WFDC6: variants seen among roughly 807,000 people sequenced by gnomAD.
WFDC6 encodes the protein WAP four-disulfide core domain 6, also known as WAP four-disulfide core domain protein 6.
A neutral mutation model predicts 8.2 loss-of-function variants in WFDC6; 10 were observed. That is an observed-to-expected ratio of 1.22 (90% CI 0.75 to 2.07). WFDC6 has a LOEUF of 2.07. WFDC6 is among the 30% of genes most tolerant of loss of function. WFDC6 has a pLI of 0.00. For synonymous variants in WFDC6, 28 were observed against 37.0 expected, an observed-to-expected ratio of 0.76 and a Z score of 0.88; for missense variants, 105 against 104.9, an observed-to-expected ratio of 1.00 and a Z score of 0.00.
At chr20:45,534,886 TG>T (rs1979306329) in intron 2 of WFDC6, among the ~76,000 whole-genome samples, 2 of 152,254 alleles carry the variant, frequency 1.3e-5, no homozygotes, top group South Asian at 4.1e-4. Context: ...AGGGCTGGGC[TG>T]GGTTTACCGG....
chr20:45,535,393 C>A, intron 2 of WFDC6: 3 of 1,228,986 alleles, frequency 2.4e-6, no homozygotes, highest in Admixed American at 6.0e-5. Context: ...GTCCATCTCT[C>A]CCCTTCTCTG....
rs554020507 is a variant in WFDC6, at chr20:45,535,081, T to A, written c.223-576A>T. On this transcript the variant is annotated intron_variant, in intron 2 of 2. Coordinates refer to ENST00000372670, the MANE Select transcript of WFDC6 (RefSeq NM_080827.2). ...TTTGTCATCCCCAGCGCCACCCAGG[T>A]CTTGGAATAGACCAGCCAACACCCA... The A allele has an allele frequency of 3.2e-6, 4 of 1,237,364 alleles. No homozygotes were observed. In the East Asian group the frequency reaches 2.3e-4, roughly 71 times the overall value. 76.6% of individuals were successfully genotyped at this position (1,237,364 alleles called of 1,614,324 possible).
In WFDC6 at chr20:45,537,875, C is replaced by T. The variant is rs541054998; in HGVS notation, c.222+89G>A. The T allele has an allele frequency of 6.7e-3, 10,651 of 1,596,132 alleles. 59 individuals are homozygous for T. The highest frequency in any genetic ancestry group is 7.2e-3 in the Non-Finnish European group (8,402 of 1,170,062). On this transcript the variant is annotated intron_variant, in intron 2 of 2. Transcript: ENST00000372670. The stretch of plus-strand genomic sequence containing the variant: ...ACCTAAACTCTTGGTCAGAGACCAG[C>T]CATCAGTGAACTAGGAGACAGAGGT...
At chr20:45,539,292 C>A (rs1405832364) in intron 1 of WFDC6, 25 bp downstream of exon 1, 4 of 1,608,250 alleles carry the variant, frequency 2.5e-6, no homozygotes, top group Non-Finnish European at 3.4e-6. Flanking sequence ...TTCCCCATTG[C>A]AAGGACGGAG....
rs1742562059 is a variant in WFDC6, at chr20:45,534,279, T to G, written c.*188A>C. ...GGTCTGAAAGTTGAAGACATAGAGT[T>G]TCATACTGAGAAGTGGTCAAGGGGA... is the stretch of plus-strand genomic sequence containing the variant. On this transcript the variant is annotated 3_prime_UTR_variant, in exon 3 of 3. Transcript: ENST00000372670. 1 of 691,138 alleles carries G rather than the reference T, an allele frequency of 1.4e-6. No individual in the cohort carries two copies. Among genetic ancestry groups the G allele is most frequent in the Non-Finnish European group, 2.6e-6 (1 of 390,792 alleles). 42.8% of individuals were successfully genotyped at this position (691,138 alleles called of 1,614,324 possible). A position where few individuals can be genotyped will look rare whatever the true frequency, so the allele number is the denominator to read the frequency against.
chr20:45,537,584 A>G lies in WFDC6; in HGVS notation c.222+380T>C, dbSNP rs929930943. ...AAAAGCCAGGAAATACAGATTATAT[A>G]CCTGTCTCTTATAGCTATCATATAA... On this transcript the variant is annotated intron_variant, in intron 2 of 2. Transcript: ENST00000372670. 23 of 1,544,586 alleles carry G rather than the reference A, an allele frequency of 1.5e-5. 1 individual carries two copies. The highest frequency in any genetic ancestry group is 1.7e-4 in the Middle Eastern group (1 of 5,970).
intron 2 of WFDC6, among the ~76,000 whole-genome samples, chr20:45,534,814 A>G (rs1979302596): frequency 6.6e-6 from 1 of 152,212 alleles, no homozygotes; most frequent in African/African-American, 2.4e-5. Flanking sequence ...AAAGGAAGAG[A>G]AGTAGCAACA....
chr20:45,537,418 G>A, intron 2 of WFDC6: 1 of 1,092,862 alleles, frequency 9.2e-7, no homozygotes, highest in Non-Finnish European at 1.4e-6. Context: ...ATCAATATTT[G>A]TTGAATGAAT....
intron 2 of WFDC6, chr20:45,537,356 C>T: frequency 1.5e-6 from 1 of 678,792 alleles, no homozygotes; most frequent in East Asian, 2.8e-5. Flanking sequence ...CTTTTCTGAC[C>T]TTCCTGGCCA....
chr20:45,539,463 G>T lies in WFDC6; in HGVS notation c.-56C>A. On this transcript the variant is annotated 5_prime_UTR_variant, in exon 1 of 3. It adds an upstream start codon to the 5' untranslated region. Transcript: ENST00000372670. Reference sequence around the variant, plus strand: ...CAAAACTAAGAACTGCTCCTCAGCAGCTCCTACATCTGCACTTTGCCTGCC... The same window carrying T: ...CAAAACTAAGAACTGCTCCTCAGCATCTCCTACATCTGCACTTTGCCTGCC... The T allele has an allele frequency of 6.5e-7, 1 of 1,527,286 alleles. No homozygotes were observed. The highest frequency in any genetic ancestry group is 1.1e-5 in the South Asian group (1 of 89,176). 94.6% of individuals were successfully genotyped at this position (1,527,286 alleles called of 1,614,324 possible). A position where few individuals can be genotyped will look rare whatever the true frequency, so the allele number is the denominator to read the frequency against.
Position 45,534,504 on chromosome 20 carries a change from A to G in WFDC6, c.224T>C (p.Val75Ala), listed in dbSNP as rs1979291658. ...CTCCTTATGGTATAAAGTAAGGCTG[A>G]CCTGTGAAGCAGAAGAATAAAGGGT... ...RGKKCLDFRK[V>A]SLTLYHKEEL... The change falls in exon 3 of 3, where the codon GTC becomes GCC. Residue 75 changes from valine to alanine, a missense_variant and splice_region_variant. Physicochemically the swap from Val to Ala is moderately conservative, Grantham distance 64. Transcript: ENST00000372670. The G allele has an allele frequency of 1.2e-6, 2 of 1,613,904 alleles. No individual in the cohort carries two copies. Among genetic ancestry groups the G allele is most frequent in the African/African-American group, 2.7e-5 (2 of 75,022 alleles).
intron 2 of WFDC6, 41 bp downstream of exon 2, chr20:45,537,923 G>T: frequency 6.2e-7 from 1 of 1,613,530 alleles, no homozygotes; most frequent in Non-Finnish European, 8.5e-7. Flanking sequence ...GTGGAGATAG[G>T]AGGTGAGGGC....
chr20:45,537,789 T>C (rs1196333412), intron 2 of WFDC6, among the ~76,000 whole-genome samples, 175 bp downstream of exon 2: 1 of 151,834 alleles, frequency 6.6e-6, no homozygotes, highest in Non-Finnish European at 1.5e-5. Context: ...GAGGAAGAAA[T>C]GAAATAAAAT....
chr20:45,534,587 G>T, intron 2 of WFDC6, 82 bp from the exon 3 acceptor site: 1 of 1,519,954 alleles, frequency 6.6e-7, no homozygotes, highest in Non-Finnish European at 9.0e-7. Context: ...TGGGAAAAAG[G>T]AGGTGGGATC....
At position 45,537,947 on chromosome 20, in the gene WFDC6, G is replaced by A. The variant is rs1979430286; in HGVS notation, c.222+17C>T. ...GGAGGTGAGGGCACTGGGTAATTTA[G>A]GAAGCATCTGAGTTACCTTTCTGAA... On this transcript the variant is annotated intron_variant, in intron 2 of 2. Coordinates refer to ENST00000372670, the MANE Select transcript of WFDC6 (RefSeq NM_080827.2). 1 of 1,613,702 alleles carries A rather than the reference G, an allele frequency of 6.2e-7. No homozygotes were observed. Among genetic ancestry groups the A allele is most frequent in the African/African-American group, 1.3e-5 (1 of 74,892 alleles).
Position 45,539,468 on chromosome 20 carries a change from T to C in WFDC6, c.-61A>G. 1 of 1,504,784 alleles carries C rather than the reference T, an allele frequency of 6.6e-7. No individual in the cohort carries two copies. The highest frequency in any genetic ancestry group is 2.3e-5 in the East Asian group (1 of 44,120). The allele number at this position is 1,504,784 out of a possible 1,614,324, so 93.2% of individuals were successfully genotyped here. On this transcript the variant is annotated 5_prime_UTR_variant, in exon 1 of 3. An upstream open reading frame in the 5' UTR loses its in-frame stop. Coordinates refer to ENST00000372670, the MANE Select transcript of WFDC6 (RefSeq NM_080827.2). ...CTAAGAACTGCTCCTCAGCAGCTCC[T>C]ACATCTGCACTTTGCCTGCCCCGGT...
Position 45,537,411 on chromosome 20 carries a change from A to G in WFDC6, c.222+553T>C, listed in dbSNP as rs999411974. ...ATCATGGGTGTCAGGGGCACCAATC[A>G]ATATTTGTTGAATGAATAGAATGAA... On this transcript the variant is annotated intron_variant, in intron 2 of 2. Coordinates refer to ENST00000372670, the MANE Select transcript of WFDC6 (RefSeq NM_080827.2). The G allele has an allele frequency of 2.8e-5, 29 of 1,044,350 alleles. No homozygotes were observed. In the African/African-American group the frequency reaches 2.9e-4, roughly 10 times the overall value. 64.7% of individuals were successfully genotyped at this position (1,044,350 alleles called of 1,614,324 possible).
chr20:45,539,226 A>C (rs946764161), intron 1 of WFDC6, 91 bp downstream of exon 1: 29 of 1,321,010 alleles, frequency 2.2e-5, no homozygotes, highest in Non-Finnish European at 3.1e-5. Context: ...AGGTGGAGAA[A>C]ATAATTTCTC....
intron 2 of WFDC6, chr20:45,535,040 C>G: frequency 1.1e-6 from 1 of 900,774 alleles, no homozygotes; most frequent in Non-Finnish European, 1.5e-6. Flanking sequence ...ACTTATACTT[C>G]TGCATTGGAG....
Sources: gnomAD v4.1 joint callset for allele counts (sites outside exome capture counted in the v4.1 genomes callset) on GRCh38, gnomAD v4.1.1 for gene constraint, MANE v1.5 for transcripts, NCBI Gene and HGNC (gene_info 2026-07-23, HGNC 2026-07-21) for gene names.